Variants in ZNF608 observed in about 807,000 individuals in gnomAD.
ZNF608 encodes renal carcinoma antigen NY-REN-36.
A neutral mutation model predicts 109.0 loss-of-function variants in ZNF608; 12 were observed. The observed-to-expected ratio is 0.11, with a 90% CI of 0.07 to 0.18. The LOEUF is 0.18. Among genes scored for constraint, ZNF608 ranks in the 10% least tolerant of loss-of-function variants. The pLI is 1.00. For missense variants in ZNF608, 1,707 were observed against 1,879.3 expected (o/e 0.91, Z 1.70); for synonymous variants, 732 against 717.4 (o/e 1.02, Z -0.33).
chr5:124,708,358 G>T (rs751869441), intron 2 of ZNF608, among the ~76,000 whole-genome samples: 23 of 152,238 alleles, frequency 1.5e-4, no homozygotes, highest in Non-Finnish European at 3.2e-4. Flanking sequence ...GTCACTCAGG[G>T]TCGGTGGCTG....
chr5:124,738,847 G>T (rs974716099), intron 2 of ZNF608, among the ~76,000 whole-genome samples: 3 of 152,168 alleles, frequency 2.0e-5, no homozygotes, highest in African/African-American at 7.2e-5. Context: ...TCAACGTGCA[G>T]CTCTCCCACA....
chr5:124,716,391 G>C (rs1462349831), intron 2 of ZNF608, among the ~76,000 whole-genome samples: 1 of 151,172 alleles, frequency 6.6e-6, no homozygotes, highest in Non-Finnish European at 1.5e-5. Context: ...AAGCAGCTTA[G>C]TTAAGCACCT....
chr5:124,702,078 G>A (rs745971544), intron 2 of ZNF608, among the ~76,000 whole-genome samples: 2 of 152,132 alleles, frequency 1.3e-5, no homozygotes, highest in East Asian at 1.9e-4. Context: ...CCTTTGCACC[G>A]CTATCCCCAG....
Position 124,698,547 on chromosome 5 carries a change from G to A in ZNF608, c.1162+2467C>T, listed in dbSNP as rs144430972. Among the ~76,000 whole-genome samples the A allele has an allele frequency of 3.8e-3, 583 of 152,312 alleles. 6 individuals carry two copies. The highest frequency in any genetic ancestry group is 0.013 in the African/African-American group (543 of 41,572). ...GAAAACCTTCTAAAGCTATCAGTCCGCTGTACGAATGTACAAAGATATTCA... is the reference window on the plus strand; with the variant it reads ...GAAAACCTTCTAAAGCTATCAGTCCACTGTACGAATGTACAAAGATATTCA... On this transcript the variant is annotated intron_variant, in intron 3 of 9. Transcript: ENST00000513986.
intron 3 of ZNF608, among the ~76,000 whole-genome samples, chr5:124,659,574 G>C (rs561048375): frequency 6.6e-6 from 1 of 152,278 alleles, no homozygotes; most frequent in South Asian, 2.1e-4. Flanking sequence ...GATAGGCAAG[G>C]AAAAGGAAAT....
At position 124,744,930 on chromosome 5, in the gene ZNF608, A is replaced by G. The variant is rs769359427; in HGVS notation, c.60T>C (p.Tyr20=). The G allele has an allele frequency of 6.8e-6, 11 of 1,614,068 alleles. No homozygotes were observed. The African/African-American group carries it at 1.1e-4, about 16-fold the overall frequency. ...KGVDPNTVDT[Y]DSGDDWEIGV... is the part of the protein sequence containing the mutation. ...CGATTTCCCAATCATCGCCACTGTC[A>G]TAAGTATCAACTGTATTTGGATCCA... Residue 20 remains tyrosine (Y), a synonymous_variant, in exon 2 of 10, where the codon TAT becomes TAC. Transcript: ENST00000513986. The surrounding 1 kb of genome is among the most constrained non-coding windows in gnomAD (Gnocchi z 4.5).
chr5:124,684,891 G>A (rs997092817), intron 3 of ZNF608, among the ~76,000 whole-genome samples: 4 of 152,196 alleles, frequency 2.6e-5, no homozygotes, highest in African/African-American at 7.2e-5. Flanking sequence ...AAGAACTGTT[G>A]AGGATTCTGC....
chr5:124,733,236 T>C (rs1580712936), intron 2 of ZNF608, among the ~76,000 whole-genome samples: 1 of 150,322 alleles, frequency 6.7e-6, no homozygotes, highest in East Asian at 1.9e-4. Context: ...TTTTTTTTTT[T>C]TTTTCTGTTT....
At chr5:124,670,612 C>T (rs1347773279) in intron 3 of ZNF608, among the ~76,000 whole-genome samples, 2 of 152,110 alleles carry the variant, frequency 1.3e-5, no homozygotes, top group Non-Finnish European at 2.9e-5. Flanking sequence ...CACCTAATCA[C>T]CCTACTTTAG....
At chr5:124,741,654 G>C (rs982820263) in intron 2 of ZNF608, among the ~76,000 whole-genome samples, 1 of 152,058 alleles carries the variant, frequency 6.6e-6, no homozygotes. Context: ...TTTCTAAATA[G>C]GTATTCTCAC....
chr5:124,683,976 A>G (rs936667005), intron 3 of ZNF608, among the ~76,000 whole-genome samples: 10 of 152,214 alleles, frequency 6.6e-5, no homozygotes, highest in African/African-American at 2.2e-4. Context: ...ATCAGAGCAT[A>G]AAATAAATGT....
rs1376644530 is a variant in ZNF608 at position 124,711,928 on chromosome 5, A to G, written c.907-10659T>C. Among the ~76,000 whole-genome samples, 3 of 152,206 alleles carry G rather than the reference A, an allele frequency of 2.0e-5. No individual in the cohort carries two copies. In the East Asian group the frequency reaches 5.8e-4, roughly 29 times the overall value. ...TTCGATTGTTAATGTGGTAAAAAGCACACTGGAAGCCATGGGAAAACAGAT... is the reference window on the plus strand; with the variant it reads ...TTCGATTGTTAATGTGGTAAAAAGCGCACTGGAAGCCATGGGAAAACAGAT... On this transcript the variant is annotated intron_variant, in intron 2 of 9. Transcript: ENST00000513986.
intron 2 of ZNF608, among the ~76,000 whole-genome samples, chr5:124,716,159 A>G (rs866453346): frequency 0.017 from 2,493 of 150,122 alleles, 67 homozygotes; most frequent in African/African-American, 0.056. Context: ...AAAAAAAAAA[A>G]AAAAGAAAAG....
At chr5:124,741,186 T>C (rs1749379661) in intron 2 of ZNF608, among the ~76,000 whole-genome samples, 1 of 152,138 alleles carries the variant, frequency 6.6e-6, no homozygotes, top group African/African-American at 2.4e-5. Flanking sequence ...GTGGCGACTT[T>C]TACAACATAC....
At chr5:124,675,407 T>C (rs527263232) in intron 3 of ZNF608, among the ~76,000 whole-genome samples, 45 of 152,358 alleles carry the variant, frequency 3.0e-4, no homozygotes, top group African/African-American at 1.1e-3. Context: ...GACTGCTTTC[T>C]TCCTGCAGGA....
chr5:124,642,692 C>CTTTTTTTTTTTTTTTTT (rs755561532), intron 7 of ZNF608, among the ~76,000 whole-genome samples: 1 of 95,292 alleles, frequency 1.0e-5, no homozygotes, highest in Non-Finnish European at 1.9e-5. Context: ...TTTCTATTGT[C>CTTTTTTTTTTTTTTTTT]TTTTTTTTTT....
intron 1 of ZNF608, 24 bp downstream of exon 1, chr5:124,746,171 T>G (rs760792859): frequency 3.4e-5 from 33 of 984,900 alleles, no homozygotes; most frequent in Non-Finnish European, 3.7e-5. Flanking sequence ...CACACACACA[T>G]ACACACACAC....
intron 3 of ZNF608, among the ~76,000 whole-genome samples, chr5:124,669,658 A>AACACACACACAC (rs56258363): frequency 1.6e-4 from 23 of 148,270 alleles, no homozygotes; most frequent in Middle Eastern, 3.4e-3. Context: ...AACACACACA[A>AACACACACACAC]ACACACACAC....
intron 3 of ZNF608, among the ~76,000 whole-genome samples, chr5:124,661,995 C>T (rs966634248): frequency 9.2e-5 from 14 of 152,098 alleles, no homozygotes; most frequent in Admixed American, 2.0e-4. Flanking sequence ...TAATAGTTTC[C>T]GAAGTCACTC....
Sources: gnomAD v4.1 joint callset for allele counts (sites outside exome capture counted in the v4.1 genomes callset) on GRCh38, gnomAD v4.1.1 for gene constraint, Gnocchi (gnomAD v3.1) non-coding constraint, MANE v1.5 for transcripts, NCBI Gene and HGNC (gene_info 2026-07-23, HGNC 2026-07-21) for gene names.